ZNF157: variants seen among roughly 807,000 people sequenced by gnomAD.
ZNF157 encodes zinc finger protein 22.
A neutral mutation model predicts 9.4 loss-of-function variants in ZNF157; 8 were observed. That is an observed-to-expected ratio of 0.85 (90% confidence interval 0.50 to 1.53). The LOEUF is 1.53. ZNF157 is among the 40% of genes most tolerant of loss of function. ZNF157 has a pLI of 0.00. For synonymous variants in ZNF157, 120 were observed against 130.8 expected (o/e 0.92, Z 0.56); for missense variants, 316 against 385.2 (o/e 0.82, Z 1.50).
chrX:47,391,167 T>C (rs1452167989), intron 1 of ZNF157: 1 of 111,440 alleles, frequency 9.0e-6, no homozygotes, highest in Non-Finnish European at 1.9e-5. Context: ...ATATATGACT[T>C]TGTGTCAGGA....
intron 1 of ZNF157, among the ~76,000 whole-genome samples, chrX:47,387,001 T>C (rs1166619966): frequency 9.0e-6 from 1 of 110,928 alleles, no homozygotes; most frequent in African/African-American, 3.3e-5. Context: ...GGAGTCTCAC[T>C]CTGTTGCCCA....
chrX:47,379,863 G>C (rs753138644), intron 1 of ZNF157, among the ~76,000 whole-genome samples: 2 of 108,273 alleles, frequency 1.8e-5, no homozygotes, highest in South Asian at 4.0e-4. Flanking sequence ...TATATTTCTA[G>C]GTTCTCTATT....
At position 47,410,374 on chromosome X, in the gene ZNF157, G is replaced by T; in HGVS notation, c.171G>T (p.Leu57=). 5 of 1,211,469 alleles carry T rather than the reference G, an allele frequency of 4.1e-6. No homozygotes were observed. The South Asian group carries it at 8.8e-5, about 21-fold the overall frequency. The change falls in exon 2 of 4, where the codon CTG becomes CTT. Residue 57 remains leucine, a synonymous_variant. Transcript: ENST00000377073. ...AQRTMHKDVM[L]ETYSNLASVG... Reference sequence around the variant, plus strand: ...GGACCATGCACAAGGATGTGATGCTGGAGACCTACAGCAACCTGGCATCTG... The same window carrying T: ...GGACCATGCACAAGGATGTGATGCTTGAGACCTACAGCAACCTGGCATCTG...
chrX:47,373,942 C>T (rs1415044690), intron 1 of ZNF157, among the ~76,000 whole-genome samples: 1 of 109,721 alleles, frequency 9.1e-6, no homozygotes, highest in Non-Finnish European at 1.9e-5. Flanking sequence ...TCAATTCTCT[C>T]TCCTTAGCCT....
chrX:47,377,535 T>C (rs1432017339), intron 1 of ZNF157, among the ~76,000 whole-genome samples: 1 of 109,824 alleles, frequency 9.1e-6, no homozygotes, highest in Non-Finnish European at 1.9e-5. Context: ...GTTCAGGTGA[T>C]TCTCCCACCT....
At position 47,377,731 on chromosome X, in the gene ZNF157, CTTTT is replaced by C. The variant is rs1160508436; in HGVS notation, c.72+7005_72+7008del. Among the ~76,000 whole-genome samples, 154 of 86,729 alleles carry C rather than the reference CTTTT, an allele frequency of 1.8e-3. No individual in the cohort carries two copies. The South Asian group carries it at 0.029, about 16-fold the overall frequency. The allele number at this position is 86,729 out of a possible 115,157, so 75.3% of individuals were successfully genotyped here. A position where few individuals can be genotyped will look rare whatever the true frequency, so the allele number is the denominator to read the frequency against. On this transcript the variant is annotated intron_variant, in intron 1 of 3. Coordinates refer to ENST00000377073, the MANE Select transcript of ZNF157 (RefSeq NM_003446.4). ...ACAGGTGTGAGCCACCATGCCCAGC[CTTTT>C]TTTTTTTTTTTTTAAAAAAAACCAC...
intron 1 of ZNF157, among the ~76,000 whole-genome samples, chrX:47,399,044 C>T (rs748397901): frequency 4.7e-4 from 52 of 111,395 alleles, no homozygotes; most frequent in South Asian, 2.6e-3. Context: ...TCAGGTAATC[C>T]GCCCGCCTTG....
At chrX:47,389,815 T>A (rs1246877541) in intron 1 of ZNF157, 3 of 111,671 alleles carry the variant, frequency 2.7e-5, no homozygotes, top group African/African-American at 9.8e-5. Context: ...GTGAGAGTAT[T>A]GCTTGAGTCC....
chrX:47,379,751 G>T, intron 1 of ZNF157, among the ~76,000 whole-genome samples: 1 of 91,399 alleles, frequency 1.1e-5, no homozygotes. Flanking sequence ...TTTGCATATG[G>T]ATGTCCAGTT....
rs1306487788 is a variant in ZNF157 at position 47,413,841 on chromosome X, T to C, written c.*247T>C. On this transcript the variant is annotated 3_prime_UTR_variant, in exon 4 of 4. Transcript: ENST00000377073. ...ATGTCCTCTGCTCATTGTTTTCAAA[T>C]GGGCTGTTCATCTCTTGCTTTTTGG... is the stretch of plus-strand genomic sequence containing the variant. 6.8e-6 allele frequency: 2 copies of C among 293,304 alleles called. No homozygotes were observed. The highest frequency in any genetic ancestry group is 1.2e-4 in the Admixed American group (2 of 16,807). The allele number at this position is 293,304 out of a possible 1,213,427, so 24.2% of individuals were successfully genotyped here. A position where few individuals can be genotyped will look rare whatever the true frequency, so the allele number is the denominator to read the frequency against.
rs769392830 is a variant in ZNF157 at position 47,397,732 on chromosome X, T to C, written c.73-12544T>C. 2.7e-5 allele frequency among the ~76,000 whole-genome samples: 3 copies of C among 111,515 alleles called. No individual in the cohort carries two copies. In the East Asian group the frequency reaches 8.5e-4, roughly 32 times the overall value. Reference sequence around the variant, plus strand: ...GCCCTGCTGCAAGCCAATTTCATCTTGGTAGTTAGGATCAGATGCTCCAGC... The same window carrying C: ...GCCCTGCTGCAAGCCAATTTCATCTCGGTAGTTAGGATCAGATGCTCCAGC... On this transcript the variant is annotated intron_variant, in intron 1 of 3. Coordinates refer to ENST00000377073, the MANE Select transcript of ZNF157 (RefSeq NM_003446.4).
chrX:47,372,620 A>G (rs6609484), intron 1 of ZNF157, among the ~76,000 whole-genome samples: 37,940 of 105,450 alleles, frequency 0.36, 5,540 homozygotes, highest in African/African-American at 0.49. Flanking sequence ...TCAGCCTCCC[A>G]AGTAGCTGGG....
At position 47,413,507 on chromosome X, in the gene ZNF157, T is replaced by C; in HGVS notation, c.1434T>C (p.Ala478=). ...RPFECQECGK[A]FCRKAHLTEH... is the part of the protein sequence containing the mutation. ...TTGAGTGTCAAGAATGTGGGAAAGC[T>C]TTCTGCCGGAAAGCACACCTCACAG... Residue 478 remains alanine, a synonymous_variant, in exon 4 of 4, where the codon GCT becomes GCC. Coordinates refer to ENST00000377073, the MANE Select transcript of ZNF157 (RefSeq NM_003446.4). 2.5e-6 allele frequency: 3 copies of C among 1,211,887 alleles called. No individual in the cohort carries two copies. Among genetic ancestry groups the C allele is most frequent in the Non-Finnish European group, 3.3e-6 (3 of 895,533 alleles).
At chrX:47,390,294 A>C (rs1163444036) in intron 1 of ZNF157, 1 of 112,066 alleles carries the variant, frequency 8.9e-6, no homozygotes, top group Non-Finnish European at 1.9e-5. Flanking sequence ...TCTGTGCCTC[A>C]AACTGCTGTG....
rs113155824 is a variant in ZNF157 at position 47,409,359 on chromosome X, C to T, written c.73-917C>T. 7.9e-3 allele frequency among the ~76,000 whole-genome samples: 880 copies of T among 111,779 alleles called. 8 individuals are homozygous for T. The highest frequency in any genetic ancestry group is 0.027 in the African/African-American group (846 of 30,841). On this transcript the variant is annotated intron_variant, in intron 1 of 3. Transcript: ENST00000377073. ...TATATTTTGTTTCTTTGTTTTGAGA[C>T]AGGGTCTCTCTGTCGCCCAGGCTGG...
At chrX:47,387,312 G>A (rs971855486) in intron 1 of ZNF157, among the ~76,000 whole-genome samples, 7 of 109,933 alleles carry the variant, frequency 6.4e-5, no homozygotes, top group African/African-American at 2.3e-4. Context: ...TAGTAGAGAC[G>A]GGGTTTCTCC....
rs1347294380 is a variant in ZNF157 at position 47,414,220 on chromosome X, C to G, written c.*626C>G. 1 of 110,695 alleles carries G rather than the reference C, an allele frequency of 9.0e-6. No homozygotes were observed. The highest frequency in any genetic ancestry group is 2.8e-4 in the East Asian group (1 of 3,545). The allele number at this position is 110,695 out of a possible 1,213,427, so 9.1% of individuals were successfully genotyped here. A position where few individuals can be genotyped will look rare whatever the true frequency, so the allele number is the denominator to read the frequency against. ...AAAGACGGGGTTTCACCATGTTGGC[C>G]AGGCTGGTCTCTAACTCCTGACCTC... is the stretch of plus-strand genomic sequence containing the variant. On this transcript the variant is annotated 3_prime_UTR_variant, in exon 4 of 4. Transcript: ENST00000377073.
chrX:47,387,274 C>G (rs144818329), intron 1 of ZNF157, among the ~76,000 whole-genome samples: 2,563 of 110,844 alleles, frequency 0.023, 68 homozygotes, highest in African/African-American at 0.079. Context: ...CAGGCATGCA[C>G]CACCATGCCC....
rs572729407 is a variant in ZNF157, at chrX:47,379,618, A to C, written c.72+8878A>C. 5.5e-4 allele frequency among the ~76,000 whole-genome samples: 59 copies of C among 107,009 alleles called. 2 individuals are homozygous for C. The South Asian group carries it at 0.025, about 45-fold the overall frequency. The allele number at this position is 107,009 out of a possible 115,157, so 92.9% of individuals were successfully genotyped here. ...TTTTTAGTAGAGATGGGGTTTCACC[A>C]TGTTGGCCAGGCTGGTATCGAACTC... is the stretch of plus-strand genomic sequence containing the variant. On this transcript the variant is annotated intron_variant, in intron 1 of 3. Transcript: ENST00000377073.
Sources: gnomAD v4.1 joint callset for allele counts (sites outside exome capture counted in the v4.1 genomes callset) on GRCh38, gnomAD v4.1.1 for gene constraint, MANE v1.5 for transcripts, NCBI Gene and HGNC (gene_info 2026-07-23, HGNC 2026-07-21) for gene names.